The following HEMK2 variants were observed in gnomAD, a reference collection of about 807,000 sequenced individuals.
HEMK2 encodes the protein methyltransferase HEMK2.
At chr21:28,675,869 T>C in the HEMK2 span, among the ~76,000 whole-genome samples, 1 of 152,208 alleles carries the variant, frequency 6.6e-6, no homozygotes, top group African/African-American at 2.4e-5. Flanking sequence ...TGTTAGCTCT[T>C]CTTAGAAGGG....
the HEMK2 span, among the ~76,000 whole-genome samples, chr21:28,754,475 C>A: frequency 2.0e-4 from 31 of 152,290 alleles, no homozygotes; most frequent in South Asian, 6.4e-3. Context: ...TAAAAATATT[C>A]TGTTTTATCA....
At chr21:28,854,185 A>G in the HEMK2 span, among the ~76,000 whole-genome samples, 2 of 152,216 alleles carry the variant, frequency 1.3e-5, no homozygotes, top group Admixed American at 1.3e-4. Flanking sequence ...ACATATGATC[A>G]AAGGTATTAA....
chr21:28,580,267 C>T, the HEMK2 span, among the ~76,000 whole-genome samples: 6 of 152,156 alleles, frequency 3.9e-5, no homozygotes, highest in Admixed American at 3.9e-4. Flanking sequence ...TAGAAATGTA[C>T]TCACTTCACA....
At chr21:28,700,689 A>G in the HEMK2 span, among the ~76,000 whole-genome samples, 3 of 152,266 alleles carry the variant, frequency 2.0e-5, no homozygotes, top group South Asian at 6.2e-4. Flanking sequence ...AGGACCAGAA[A>G]GATTCACAGC....
At chr21:28,795,670 T>A in the HEMK2 span, among the ~76,000 whole-genome samples, 2 of 152,214 alleles carry the variant, frequency 1.3e-5, no homozygotes, top group Non-Finnish European at 2.9e-5. Flanking sequence ...ATGTCAATCA[T>A]AGATAAATAT....
chr21:28,752,598 T>C, the HEMK2 span, among the ~76,000 whole-genome samples: 1 of 152,270 alleles, frequency 6.6e-6, no homozygotes, highest in Non-Finnish European at 1.5e-5. Flanking sequence ...CTTCCAGCTG[T>C]GGATACTGAG....
the HEMK2 span, among the ~76,000 whole-genome samples, chr21:28,705,502 T>C: frequency 6.6e-6 from 1 of 152,322 alleles, no homozygotes; most frequent in East Asian, 1.9e-4. Context: ...TCTTCTCTTA[T>C]TACTTGGTTA....
the HEMK2 span, among the ~76,000 whole-genome samples, chr21:28,759,679 G>A: frequency 3.0e-4 from 46 of 152,176 alleles, no homozygotes; most frequent in African/African-American, 1.0e-3. Context: ...TGAATCATGG[G>A]GCAGTTTCCC....
At chr21:28,740,481 T>C in the HEMK2 span, among the ~76,000 whole-genome samples, 2 of 152,234 alleles carry the variant, frequency 1.3e-5, no homozygotes, top group Admixed American at 6.5e-5. Context: ...ATAGCTTCCA[T>C]ATGGGCAATA....
the HEMK2 span, among the ~76,000 whole-genome samples, chr21:28,778,593 G>A: frequency 6.6e-6 from 1 of 152,096 alleles, no homozygotes; most frequent in Non-Finnish European, 1.5e-5. Flanking sequence ...CCAGCATTAG[G>A]TTTCATTACC....
At chr21:28,583,317 G>A in the HEMK2 span, among the ~76,000 whole-genome samples, 39 of 152,112 alleles carry the variant, frequency 2.6e-4, no homozygotes, top group Admixed American at 2.5e-3. Flanking sequence ...TCCAATAGAT[G>A]GTGTCTTAAT....
the HEMK2 span, among the ~76,000 whole-genome samples, chr21:28,629,340 A>G: frequency 7.2e-5 from 11 of 152,346 alleles, no homozygotes; most frequent in South Asian, 1.7e-3. Flanking sequence ...TGTTGTCTCC[A>G]GTTATAAATA....
At chr21:28,620,305 G>A in the HEMK2 span, among the ~76,000 whole-genome samples, 17 of 152,040 alleles carry the variant, frequency 1.1e-4, no homozygotes, top group Admixed American at 5.2e-4. Context: ...GAGGAGTCCC[G>A]CTTTTTCTAT....
chr21:28,634,427 A>C, the HEMK2 span, among the ~76,000 whole-genome samples: 1 of 152,228 alleles, frequency 6.6e-6, no homozygotes, highest in African/African-American at 2.4e-5. Context: ...TCCCCAAGGA[A>C]AGGGCGAGTC....
the HEMK2 span, among the ~76,000 whole-genome samples, chr21:28,687,204 T>C: frequency 6.6e-6 from 1 of 152,312 alleles, no homozygotes; most frequent in African/African-American, 2.4e-5. Flanking sequence ...GTATGTACTT[T>C]AAAGTAAATT....
chr21:28,618,261 C>T, the HEMK2 span, among the ~76,000 whole-genome samples: 2 of 152,124 alleles, frequency 1.3e-5, no homozygotes, highest in Admixed American at 6.5e-5. Context: ...TCCTCTGTGA[C>T]CTTACTTTTC....
At chr21:28,754,831 C>T in the HEMK2 span, among the ~76,000 whole-genome samples, 3 of 152,112 alleles carry the variant, frequency 2.0e-5, no homozygotes, top group Admixed American at 1.3e-4. Flanking sequence ...TTTAATGTGC[C>T]TGCAATAAGA....
chr21:28,635,034 G>A, the HEMK2 span, among the ~76,000 whole-genome samples: 1 of 151,650 alleles, frequency 6.6e-6, no homozygotes, highest in African/African-American at 2.4e-5. Context: ...TGCTATAGCA[G>A]TTAAAAGTCA....
chr21:28,588,240 T>A, the HEMK2 span, among the ~76,000 whole-genome samples: 2 of 152,212 alleles, frequency 1.3e-5, no homozygotes, highest in Non-Finnish European at 2.9e-5. Flanking sequence ...GAAAGCTGAT[T>A]TGGGGCACCA....
Sources: gnomAD v4.1 joint callset for allele counts (sites outside exome capture counted in the v4.1 genomes callset) on GRCh38, gnomAD v4.1.1 for gene constraint, MANE v1.5 for transcripts, NCBI Gene and HGNC (gene_info 2026-07-23, HGNC 2026-07-21) for gene names.